The following CSMD1 variants were observed in gnomAD, a reference collection of about 807,000 sequenced individuals.
The protein encoded by CSMD1 is CUB and sushi domain-containing protein 1.
In CSMD1, 213 loss-of-function variants were observed where a neutral mutation model predicts 417.5. That is an observed-to-expected ratio of 0.51 (90% CI 0.46 to 0.57). CSMD1 has a LOEUF of 0.57. Ranked by LOEUF, CSMD1 falls within the 20% of genes least tolerant of loss-of-function variation. The probability of loss-of-function intolerance (pLI) is 0.00; values close to 1 mark genes in which losing one functional copy is unlikely to be tolerated. For missense variants in CSMD1, 6,923 were observed against 4,529.7 expected, an observed-to-expected ratio of 1.53 and a Z score of -15.17; for synonymous variants, 2,862 against 1,736.8, an observed-to-expected ratio of 1.65 and a Z score of -16.11.
intron 1 of CSMD1, among the ~76,000 whole-genome samples, chr8:4,851,601 C>T (rs2594): frequency 0.063 from 9,628 of 152,108 alleles, 350 homozygotes; most frequent in African/African-American, 0.096. Context: ...ATAGCCTATC[C>T]AACTCCATGT....
At chr8:3,531,717 CA>C (rs919209793) in intron 10 of CSMD1, among the ~76,000 whole-genome samples, 1 of 152,082 alleles carries the variant, frequency 6.6e-6, no homozygotes, top group Non-Finnish European at 1.5e-5. Context: ...CCTTGTAACA[CA>C]AAAAAACCCC....
At chr8:4,050,610 A>G (rs937378679) in intron 3 of CSMD1, among the ~76,000 whole-genome samples, 1 of 152,102 alleles carries the variant, frequency 6.6e-6, no homozygotes, top group Non-Finnish European at 1.5e-5. Flanking sequence ...ATTATTGCTT[A>G]CAAGAGTCAT....
chr8:3,117,175 A>G (rs1165132330), intron 42 of CSMD1, among the ~76,000 whole-genome samples: 1 of 152,074 alleles, frequency 6.6e-6, no homozygotes, highest in African/African-American at 2.4e-5. Context: ...GGTTCCCGCC[A>G]TTCTCCCACC....
intron 25 of CSMD1, among the ~76,000 whole-genome samples, chr8:3,299,927 TA>T (rs1177269254): frequency 6.6e-6 from 1 of 152,176 alleles, no homozygotes; most frequent in African/African-American, 2.4e-5. Flanking sequence ...GGCAATTTGG[TA>T]ATGGCTATAA....
chr8:4,112,550 G>A (rs1418241743), intron 3 of CSMD1, among the ~76,000 whole-genome samples: 1 of 152,158 alleles, frequency 6.6e-6, no homozygotes, highest in East Asian at 1.9e-4. Context: ...AGCACGTCCT[G>A]CTTTCTCTGT....
At chr8:4,586,857 T>C (rs1429995983) in intron 2 of CSMD1, among the ~76,000 whole-genome samples, 2 of 152,168 alleles carry the variant, frequency 1.3e-5, no homozygotes, top group African/African-American at 4.8e-5. Context: ...GGTGTTCAAC[T>C]TTTTCTATCC....
intron 1 of CSMD1, among the ~76,000 whole-genome samples, chr8:4,894,916 A>T (rs1328497216): frequency 6.6e-6 from 1 of 152,144 alleles, no homozygotes; most frequent in Non-Finnish European, 1.5e-5. Flanking sequence ...TTTTCAAGGA[A>T]GGACACTTTG....
chr8:4,493,239 T>A (rs1171236190), intron 2 of CSMD1, among the ~76,000 whole-genome samples: 1 of 152,140 alleles, frequency 6.6e-6, no homozygotes, highest in East Asian at 1.9e-4. Flanking sequence ...GTAAAATAAT[T>A]TAAGATTGTC....
chr8:4,671,249 A>AT, intron 1 of CSMD1, among the ~76,000 whole-genome samples: 1 of 152,298 alleles, frequency 6.6e-6, no homozygotes. Flanking sequence ...GTCATTAGAT[A>AT]ATTTCTTGGT....
chr8:4,215,791 T>C (rs1800632082), intron 3 of CSMD1, among the ~76,000 whole-genome samples: 1 of 152,216 alleles, frequency 6.6e-6, no homozygotes, highest in African/African-American at 2.4e-5. Flanking sequence ...GGAATATCTA[T>C]TCTCTCCTTT....
intron 45 of CSMD1, among the ~76,000 whole-genome samples, chr8:3,107,382 G>T (rs1323631332): frequency 2.0e-5 from 3 of 152,080 alleles, no homozygotes; most frequent in Non-Finnish European, 4.4e-5. Context: ...CCCCCTAACT[G>T]AAAGCAAATA....
chr8:3,323,565 C>G (rs1240997917), intron 23 of CSMD1, among the ~76,000 whole-genome samples: 5 of 152,196 alleles, frequency 3.3e-5, no homozygotes, highest in Non-Finnish European at 5.9e-5. Flanking sequence ...CACTCTCCAA[C>G]AGTTAAAATA....
chr8:4,127,800 G>C (rs1802854986), intron 3 of CSMD1, among the ~76,000 whole-genome samples: 2 of 152,132 alleles, frequency 1.3e-5, no homozygotes, highest in Admixed American at 6.6e-5. Context: ...GAAGTAGATG[G>C]TATTTGTACT....
chr8:4,323,871 T>C (rs1563454305), intron 3 of CSMD1, among the ~76,000 whole-genome samples: 4 of 152,162 alleles, frequency 2.6e-5, no homozygotes, highest in African/African-American at 9.7e-5. Flanking sequence ...AGGCAACTTC[T>C]ATGAAGAAAC....
intron 12 of CSMD1, among the ~76,000 whole-genome samples, chr8:3,417,289 A>G (rs192261772): frequency 6.6e-6 from 1 of 152,226 alleles, no homozygotes; most frequent in Admixed American, 6.5e-5. Context: ...TTCTGCAGAA[A>G]ACACTCTGCT....
rs376143122 is a variant in CSMD1 at position 2,965,761 on chromosome 8, G to A, written c.9280+14C>T. On this transcript the variant is annotated intron_variant, in intron 59 of 69. Coordinates refer to ENST00000635120, the MANE Select transcript of CSMD1 (RefSeq NM_033225.6). ...TATACACATCTGTAAAATCCAAAGA[G>A]TCACCAAACAAACCTTTGCAGACAG... The A allele has an allele frequency of 1.9e-6, 3 of 1,588,336 alleles. No individual in the cohort carries two copies. The highest frequency in any genetic ancestry group is 1.8e-5 in the Admixed American group (1 of 56,560).
intron 41 of CSMD1, among the ~76,000 whole-genome samples, chr8:3,118,907 G>A (rs918225667): frequency 1.6e-4 from 24 of 152,184 alleles, no homozygotes; most frequent in Non-Finnish European, 2.9e-4. Context: ...CAGGCTGGGA[G>A]CGGTGGCTCA....
intron 5 of CSMD1, among the ~76,000 whole-genome samples, chr8:3,832,689 A>C (rs900838978): frequency 6.6e-6 from 1 of 152,184 alleles, no homozygotes; most frequent in East Asian, 1.9e-4. Context: ...CTATAGATTC[A>C]TGACTGTATT....
Position 3,556,392 on chromosome 8 carries a change from A to ATATATATATATATATATATATATATAT in CSMD1, c.1344+18552_1344+18553insATATATATATATATATATATATATATA, listed in dbSNP as rs1554468279. On this transcript the variant is annotated intron_variant, in intron 10 of 69. Coordinates refer to ENST00000635120, the MANE Select transcript of CSMD1 (RefSeq NM_033225.6). ...AAGATTTTTAAAATTTATAATAATT[A>ATATATATATATATATATATATATATAT]ATATATATATATATATATATATTCA... Among the ~76,000 whole-genome samples the ATATATATATATATATATATATATATAT allele has an allele frequency of 2.1e-4, 25 of 120,428 alleles. 1 individual carries two copies. Among genetic ancestry groups the ATATATATATATATATATATATATATAT allele is most frequent in the East Asian group, 7.3e-4 (3 of 4,134 alleles). 79.0% of individuals were successfully genotyped at this position (120,428 alleles called of 152,430 possible). A position where few individuals can be genotyped will look rare whatever the true frequency, so the allele number is the denominator to read the frequency against.
Sources: allele counts gnomAD v4.1 joint callset (sites outside exome capture counted in the v4.1 genomes callset), GRCh38; gene constraint gnomAD v4.1.1; transcripts MANE v1.5; gene names NCBI Gene and HGNC (gene_info 2026-07-23, HGNC 2026-07-21).